NAV3: variants seen among roughly 807,000 people sequenced by gnomAD.
The protein encoded by NAV3 is neuron navigator 3, also known as pore membrane and/or filament interacting like protein 1.
In NAV3, 87 loss-of-function variants were observed where a neutral mutation model predicts 244.7. The ratio of observed to expected loss-of-function variants is 0.36; its 90% CI spans 0.30 to 0.42. The LOEUF (loss-of-function observed/expected upper bound fraction) is 0.42, where lower values mean the gene tolerates loss of function less well. Among genes scored for constraint, NAV3 ranks in the 20% least tolerant of loss-of-function variants. NAV3 has a pLI of 1.00. For missense variants in NAV3, 2,663 were observed against 2,893.3 expected (o/e 0.92, Z 1.83); for synonymous variants, 1,126 against 1,042.2 (o/e 1.08, Z -1.55).
chr12:77,748,259 G>T (rs1412721713), intron 2 of NAV3, among the ~76,000 whole-genome samples: 1 of 152,104 alleles, frequency 6.6e-6, no homozygotes, highest in Non-Finnish European at 1.5e-5. Context: ...CAGTGTCATG[G>T]TGGTTCCTCT....
At chr12:77,894,361 G>C (rs1257506854) in intron 1 of NAV3, among the ~76,000 whole-genome samples, 2 of 152,134 alleles carry the variant, frequency 1.3e-5, no homozygotes, top group Non-Finnish European at 2.9e-5. Flanking sequence ...CTTGGTCAAA[G>C]TGATATTTCA....
chr12:77,792,452 C>G (rs1871222416), intron 2 of NAV3, among the ~76,000 whole-genome samples: 1 of 152,188 alleles, frequency 6.6e-6, no homozygotes, highest in South Asian at 2.1e-4. Context: ...ATGTGTCACT[C>G]AGACCACAAG....
rs144306342 is a variant in NAV3 at position 78,184,071 on chromosome 12, C to T, written c.5693-1530C>T. On this transcript the variant is annotated intron_variant, in intron 30 of 39. Coordinates refer to ENST00000397909, the MANE Select transcript of NAV3 (RefSeq NM_001024383.2). ...TCCAGGATGACCTATCTATCTAGAG[C>T]AGGCTCCCTTCAGTTACTTTCTGTT... Among the ~76,000 whole-genome samples the T allele has an allele frequency of 2.0e-5, 3 of 152,014 alleles. No homozygotes were observed. The East Asian group carries it at 5.8e-4, about 29-fold the overall frequency.
intron 9 of NAV3, among the ~76,000 whole-genome samples, chr12:78,027,801 C>T (rs1164776940): frequency 2.0e-5 from 3 of 152,028 alleles, no homozygotes; most frequent in South Asian, 2.1e-4. Context: ...AAGACCTATA[C>T]GCATTACTCT....
intron 2 of NAV3, among the ~76,000 whole-genome samples, chr12:77,751,505 T>C (rs1592647259): frequency 6.6e-6 from 1 of 152,278 alleles, no homozygotes; most frequent in East Asian, 1.9e-4. Flanking sequence ...ATATCTGATG[T>C]TTTTATAAGG....
At chr12:77,911,908 C>T (rs550233432) in intron 1 of NAV3, among the ~76,000 whole-genome samples, 1 of 152,154 alleles carries the variant, frequency 6.6e-6, no homozygotes, top group South Asian at 2.1e-4. Context: ...TTCAGAAACA[C>T]AGTCTTTATT....
chr12:78,091,972 G>A (rs1953968859), intron 12 of NAV3, among the ~76,000 whole-genome samples: 1 of 152,026 alleles, frequency 6.6e-6, no homozygotes, highest in South Asian at 2.1e-4. Flanking sequence ...TGGAAAGAAC[G>A]AAAATGGTAA....
chr12:77,932,356 A>G (rs1888894872), intron 1 of NAV3, among the ~76,000 whole-genome samples: 1 of 152,086 alleles, frequency 6.6e-6, no homozygotes, highest in Non-Finnish European at 1.5e-5. Flanking sequence ...TCTGATGCTC[A>G]TACTTTCTGA....
intron 12 of NAV3, among the ~76,000 whole-genome samples, chr12:78,090,203 A>G (rs951247762): frequency 2.8e-4 from 41 of 147,596 alleles, no homozygotes; most frequent in Middle Eastern, 7.1e-3. Flanking sequence ...ATATATATAT[A>G]TGGTTGAATT....
chr12:78,073,473 C>T (rs998263361), intron 12 of NAV3, among the ~76,000 whole-genome samples: 14 of 152,074 alleles, frequency 9.2e-5, no homozygotes, highest in African/African-American at 2.9e-4. Flanking sequence ...AGGAATCCAA[C>T]TTAACAAGGG....
At chr12:77,799,241 G>T (rs866800375) in intron 2 of NAV3, among the ~76,000 whole-genome samples, 1 of 152,222 alleles carries the variant, frequency 6.6e-6, no homozygotes, top group African/African-American at 2.4e-5. Context: ...GGATGTAGAT[G>T]ATAGGAGAAA....
At chr12:78,083,287 G>A (rs1234679853) in intron 12 of NAV3, among the ~76,000 whole-genome samples, 1 of 152,024 alleles carries the variant, frequency 6.6e-6, no homozygotes, top group African/African-American at 2.4e-5. Context: ...CATTCATGAG[G>A]GCTCAGCCCT....
rs1958626056 is a variant in NAV3, at chr12:78,184,420, G to A, written c.5693-1181G>A. Among the ~76,000 whole-genome samples the A allele has an allele frequency of 2.0e-5, 3 of 151,762 alleles. No individual in the cohort carries two copies. In the South Asian group the frequency reaches 6.2e-4, roughly 31 times the overall value. On this transcript the variant is annotated intron_variant, in intron 30 of 39. Coordinates refer to ENST00000397909, the MANE Select transcript of NAV3 (RefSeq NM_001024383.2). ...AGAGTTTTATTTTTGAGTGGAGTAGGTGAAAAGGTGAAAGACTATTAAGAT... is the reference window on the plus strand; with the variant it reads ...AGAGTTTTATTTTTGAGTGGAGTAGATGAAAAGGTGAAAGACTATTAAGAT...
intron 2 of NAV3, among the ~76,000 whole-genome samples, chr12:77,637,479 T>C (rs1427733265): frequency 3.9e-5 from 6 of 152,190 alleles, no homozygotes; most frequent in African/African-American, 1.4e-4. Context: ...TTTTTAAAGT[T>C]ATTTTTATCA....
intron 30 of NAV3, among the ~76,000 whole-genome samples, chr12:78,184,423 A>T (rs998105224): frequency 2.6e-5 from 4 of 151,838 alleles, no homozygotes; most frequent in African/African-American, 9.7e-5. Flanking sequence ...GGAGTAGGTG[A>T]AAAGGTGAAA....
intron 1 of NAV3, among the ~76,000 whole-genome samples, chr12:77,921,999 A>G (rs966372919): frequency 6.6e-6 from 1 of 152,196 alleles, no homozygotes; most frequent in East Asian, 1.9e-4. Flanking sequence ...AGAATGCTGT[A>G]TAGGGTAACC....
At chr12:77,834,967 G>A (rs750957991) in intron 1 of NAV3, among the ~76,000 whole-genome samples, 2 of 152,078 alleles carry the variant, frequency 1.3e-5, no homozygotes, top group East Asian at 3.9e-4. Flanking sequence ...GGCTGCAAAA[G>A]CAGAAAAGTC....
At chr12:77,941,033 A>C (rs1328272533) in intron 2 of NAV3, 48 bp from the exon 3 acceptor site, 7 of 1,202,850 alleles carry the variant, frequency 5.8e-6, no homozygotes, top group African/African-American at 1.5e-5. Flanking sequence ...TCATTGCTTA[A>C]GCATGTCGTT....
At chr12:77,684,936 G>A (rs1337240776) in intron 2 of NAV3, among the ~76,000 whole-genome samples, 1 of 151,952 alleles carries the variant, frequency 6.6e-6, no homozygotes, top group East Asian at 1.9e-4. Flanking sequence ...TGAATTCCCT[G>A]TTGCTGACAC....
Sources: gnomAD v4.1 joint callset for allele counts (sites outside exome capture counted in the v4.1 genomes callset) on GRCh38, gnomAD v4.1.1 for gene constraint, MANE v1.5 for transcripts, NCBI Gene and HGNC (gene_info 2026-07-23, HGNC 2026-07-21) for gene names.